Variants in PRKCA observed in about 807,000 individuals in gnomAD.
PRKCA encodes the protein protein kinase C alpha type.
PRKCA carries 27 observed loss-of-function variants against 87.0 expected under a neutral mutation model. The observed-to-expected ratio is 0.31, with a 90% CI of 0.23 to 0.43. The LOEUF (loss-of-function observed/expected upper bound fraction) is 0.43, where lower values mean the gene tolerates loss of function less well. Ranked by LOEUF, PRKCA falls within the 20% of genes least tolerant of loss-of-function variation. PRKCA has a pLI of 1.00. For synonymous variants in PRKCA, 329 were observed against 311.1 expected, an observed-to-expected ratio of 1.06 and a Z score of -0.61; for missense variants, 518 against 852.3, an observed-to-expected ratio of 0.61 and a Z score of 4.88.
intron 5 of PRKCA, among the ~76,000 whole-genome samples, chr17:66,661,839 G>T (rs902271262): frequency 3.3e-5 from 5 of 152,132 alleles, no homozygotes; most frequent in African/African-American, 9.7e-5. Context: ...GTTTGATCAG[G>T]GCCTAGGAAC....
Position 66,650,956 on chromosome 17 carries a change from C to T in PRKCA, c.529+5445C>T, listed in dbSNP as rs528753872. Among the ~76,000 whole-genome samples the T allele has an allele frequency of 3.9e-5, 6 of 152,192 alleles. No individual in the cohort carries two copies. In the East Asian group the frequency reaches 5.8e-4, roughly 15 times the overall value. On this transcript the variant is annotated intron_variant, in intron 5 of 16. Coordinates refer to ENST00000413366, the MANE Select transcript of PRKCA (RefSeq NM_002737.3). Reference sequence around the variant, plus strand: ...ATGCTAAGATGATTAAGACCTAGACCGTGTCACAGACTGTGTGGTCTTTGG... The same window carrying T: ...ATGCTAAGATGATTAAGACCTAGACTGTGTCACAGACTGTGTGGTCTTTGG...
At chr17:66,713,980 C>A (rs1377772283) in intron 8 of PRKCA, among the ~76,000 whole-genome samples, 1 of 152,094 alleles carries the variant, frequency 6.6e-6, no homozygotes, top group Non-Finnish European at 1.5e-5. Context: ...GACTCACATT[C>A]CCCCAGGTGC....
chr17:66,648,885 G>A (rs1971517416), intron 5 of PRKCA, among the ~76,000 whole-genome samples: 1 of 151,988 alleles, frequency 6.6e-6, no homozygotes. Context: ...TTGAGGTCAG[G>A]AGCTTGAGAC....
chr17:66,557,101 A>G (rs1374459673), intron 3 of PRKCA, among the ~76,000 whole-genome samples: 1 of 152,148 alleles, frequency 6.6e-6, no homozygotes, highest in African/African-American at 2.4e-5. Flanking sequence ...CTGAGAGGGA[A>G]TTTCTTCAAC....
intron 2 of PRKCA, among the ~76,000 whole-genome samples, chr17:66,449,981 AGGAGGTATACCTTGG>A (rs1914226824): frequency 6.6e-6 from 1 of 151,936 alleles, no homozygotes; most frequent in Admixed American, 6.6e-5. Flanking sequence ...TTCATTTTCA[AGGAGGTATACCTTGG>A]GGAGTGGGAG....
intron 2 of PRKCA, among the ~76,000 whole-genome samples, chr17:66,339,441 A>T (rs769743577): frequency 1.3e-5 from 2 of 152,084 alleles, no homozygotes; most frequent in South Asian, 2.1e-4. Context: ...ATAATGTTTA[A>T]TTTTTTTAAC....
chr17:66,481,947 A>C (rs541093267), intron 2 of PRKCA, among the ~76,000 whole-genome samples: 1 of 152,022 alleles, frequency 6.6e-6, no homozygotes, highest in African/African-American at 2.4e-5. Flanking sequence ...CTAAAAATAC[A>C]AAAATTAGCT....
At chr17:66,578,919 C>T (rs942484596) in intron 3 of PRKCA, among the ~76,000 whole-genome samples, 2 of 152,252 alleles carry the variant, frequency 1.3e-5, no homozygotes, top group African/African-American at 4.8e-5. Context: ...GCTCGCCAGG[C>T]AGGCCTCTGT....
chr17:66,618,043 A>G (rs1375644915), intron 3 of PRKCA, among the ~76,000 whole-genome samples: 2 of 152,152 alleles, frequency 1.3e-5, no homozygotes, highest in Non-Finnish European at 2.9e-5. Flanking sequence ...TGGAGGTGTT[A>G]AGATTGCCTT....
intron 14 of PRKCA, chr17:66,777,269 C>G (rs931384649): frequency 4.9e-5 from 48 of 985,234 alleles, no homozygotes; most frequent in Non-Finnish European, 5.4e-5. Context: ...TGGATGATCT[C>G]TCCTTTATGT....
chr17:66,741,536 TG>T, intron 11 of PRKCA, 122 bp from the exon 12 acceptor site: 1 of 994,294 alleles, frequency 1.0e-6, no homozygotes, highest in Non-Finnish European at 1.5e-6. Context: ...AACACGATGC[TG>T]GTCTCTGAGA....
chr17:66,789,130 C>T (rs1253580040), intron 16 of PRKCA, 151 bp downstream of exon 16: 2 of 976,796 alleles, frequency 2.0e-6, no homozygotes, highest in East Asian at 2.6e-5. Context: ...GTCCTCAGTC[C>T]TGTGGCCTCA....
chr17:66,555,770 C>G (rs1968475882), intron 3 of PRKCA, among the ~76,000 whole-genome samples: 1 of 152,064 alleles, frequency 6.6e-6, no homozygotes, highest in Non-Finnish European at 1.5e-5. Context: ...TGAACTACCA[C>G]AGTTGACAAA....
intron 8 of PRKCA, among the ~76,000 whole-genome samples, chr17:66,729,145 C>T (rs1233987639): frequency 1.3e-5 from 2 of 152,154 alleles, no homozygotes; most frequent in African/African-American, 2.4e-5. Flanking sequence ...GGTGCGGTGG[C>T]TCACACCTGT....
intron 2 of PRKCA, among the ~76,000 whole-genome samples, chr17:66,345,703 C>G (rs2143386200): frequency 6.6e-6 from 1 of 152,232 alleles, no homozygotes; most frequent in Non-Finnish European, 1.5e-5. Context: ...TGAGTTATTT[C>G]ATCGTAAAAT....
chr17:66,358,157 A>T (rs78690088), intron 2 of PRKCA, among the ~76,000 whole-genome samples: 1 of 147,500 alleles, frequency 6.8e-6, no homozygotes, highest in Non-Finnish European at 1.5e-5. Context: ...ATAGAGCACA[A>T]TTTTTTTTTT....
At chr17:66,392,249 A>T (rs962300832) in intron 2 of PRKCA, among the ~76,000 whole-genome samples, 5 of 151,564 alleles carry the variant, frequency 3.3e-5, no homozygotes, top group Non-Finnish European at 7.4e-5. Context: ...AAAAAAAAAA[A>T]TGTGGTTACA....
chr17:66,705,791 A>G (rs16960077), intron 8 of PRKCA, among the ~76,000 whole-genome samples: 10,363 of 152,218 alleles, frequency 0.068, 384 homozygotes, highest in South Asian at 0.14. Flanking sequence ...TGGCAGCTAA[A>G]CATTGGCACA....
chr17:66,419,930 G>A (rs1388227010), intron 2 of PRKCA, among the ~76,000 whole-genome samples: 3 of 151,182 alleles, frequency 2.0e-5, no homozygotes, highest in East Asian at 1.9e-4. Flanking sequence ...CCACAGCAAT[G>A]TGTAGTAAAC....
Sources: gnomAD v4.1 joint callset for allele counts (sites outside exome capture counted in the v4.1 genomes callset) on GRCh38, gnomAD v4.1.1 for gene constraint, MANE v1.5 for transcripts, NCBI Gene and HGNC (gene_info 2026-07-23, HGNC 2026-07-21) for gene names.